PI4KA: variants seen among roughly 807,000 people sequenced by gnomAD.
The protein encoded by PI4KA is phosphatidylinositol 4-kinase alpha.
PI4KA carries 122 observed loss-of-function variants against 271.4 expected under a neutral mutation model. The ratio of observed to expected loss-of-function variants is 0.45; its 90% CI spans 0.39 to 0.52. The LOEUF is 0.52. Among genes scored for constraint, PI4KA ranks in the 20% least tolerant of loss-of-function variants. The probability of loss-of-function intolerance (pLI) is 0.00; values close to 1 mark genes in which losing one functional copy is unlikely to be tolerated. For missense variants in PI4KA, 1,969 were observed against 2,769.1 expected (o/e 0.71, Z 6.48); for synonymous variants, 1,041 against 1,078.8 (o/e 0.96, Z 0.69).
intron 3 of PI4KA, among the ~76,000 whole-genome samples, chr22:20,831,658 G>A (rs547297107): frequency 6.6e-6 from 1 of 152,258 alleles, no homozygotes; most frequent in Non-Finnish European, 1.5e-5. Context: ...ATTCTCTTCT[G>A]GCTTGTAGAG....
chr22:20,807,527 G>GC, intron 9 of PI4KA, 69 bp from the exon 10 acceptor site: 1 of 836,238 alleles, frequency 1.2e-6, no homozygotes, highest in Non-Finnish European at 2.0e-6. Context: ...TGCCTTCACA[G>GC]CAAGGCCCAG....
In PI4KA at chr22:20,789,905, C is replaced by T. The variant is rs184878590; in HGVS notation, c.2328+3288G>A. Among the ~76,000 whole-genome samples, 257 of 152,258 alleles carry T rather than the reference C, an allele frequency of 1.7e-3. 2 individuals are homozygous for T. The highest frequency in any genetic ancestry group is 6.0e-3 in the African/African-American group (248 of 41,538). On this transcript the variant is annotated intron_variant, in intron 19 of 54. Coordinates refer to ENST00000255882, the MANE Select transcript of PI4KA (RefSeq NM_058004.4). Reference sequence around the variant, plus strand: ...TGCAGGCACTGAGAAAATAAGTAAACCTTCCAAGGCCACAAAAGTGACTGG... The same window carrying T: ...TGCAGGCACTGAGAAAATAAGTAAATCTTCCAAGGCCACAAAAGTGACTGG...
At chr22:20,729,206 T>C (rs1168611433) in intron 39 of PI4KA, 107 bp downstream of exon 39, 8 of 917,934 alleles carry the variant, frequency 8.7e-6, no homozygotes, top group Non-Finnish European at 1.3e-5. Flanking sequence ...TGACTATCCT[T>C]GAAAGGGGCT....
chr22:20,751,448 C>A, intron 26 of PI4KA, 72 bp from the exon 27 acceptor site: 4 of 1,273,206 alleles, frequency 3.1e-6, no homozygotes, highest in Non-Finnish European at 4.5e-6. Flanking sequence ...CATGGGCCAC[C>A]CCTACCCACC....
intron 2 of PI4KA, among the ~76,000 whole-genome samples, chr22:20,837,771 T>C (rs1261671090): frequency 6.6e-6 from 1 of 152,166 alleles, no homozygotes; most frequent in African/African-American, 2.4e-5. Context: ...GTCACACTAT[T>C]TTTTTGTTGG....
intron 4 of PI4KA, among the ~76,000 whole-genome samples, chr22:20,821,161 A>C (rs1167497993): frequency 6.6e-6 from 1 of 152,206 alleles, no homozygotes; most frequent in Non-Finnish European, 1.5e-5. Flanking sequence ...GCTTTTCTGC[A>C]GCCACTTCAC....
At chr22:20,747,947 G>A (rs1310505606) in intron 28 of PI4KA, among the ~76,000 whole-genome samples, 1 of 151,576 alleles carries the variant, frequency 6.6e-6, no homozygotes, top group Non-Finnish European at 1.5e-5. Context: ...ATATTGCTCA[G>A]GTTGGCTTGA....
chr22:20,817,276 G>C (rs546850033), intron 7 of PI4KA, among the ~76,000 whole-genome samples: 4 of 152,198 alleles, frequency 2.6e-5, no homozygotes, highest in African/African-American at 9.6e-5. Flanking sequence ...CTATACTGAA[G>C]CATGGAATTC....
intron 2 of PI4KA, among the ~76,000 whole-genome samples, chr22:20,837,677 T>C (rs1384060580): frequency 6.6e-6 from 1 of 152,116 alleles, no homozygotes; most frequent in East Asian, 1.9e-4. Context: ...TAAAAATAAA[T>C]AAATAAATAA....
At chr22:20,712,285 G>C in intron 50 of PI4KA, 1 of 744,912 alleles carries the variant, frequency 1.3e-6, no homozygotes, top group Non-Finnish European at 1.6e-6. Context: ...TTGATCTCTT[G>C]ACCTCGTGAT....
intron 49 of PI4KA, 21 bp from the exon 50 acceptor site, chr22:20,712,632 T>C: frequency 6.4e-7 from 1 of 1,571,012 alleles, no homozygotes; most frequent in East Asian, 2.3e-5. Flanking sequence ...AGGCCAGTTC[T>C]GAGGCCCGCT....
At position 20,716,076 on chromosome 22, in the gene PI4KA, A is replaced by C. The variant is rs568211694; in HGVS notation, c.5318-1376T>G. ...GGTTAGTTTTTTTTTTTTGAGACCA[A>C]GTCTTGCACTGTCATCCAGGCTGGA... is the stretch of plus-strand genomic sequence containing the variant. On this transcript the variant is annotated intron_variant, in intron 45 of 54. Coordinates refer to ENST00000255882, the MANE Select transcript of PI4KA (RefSeq NM_058004.4). 1.3e-4 allele frequency among the ~76,000 whole-genome samples: 20 copies of C among 151,862 alleles called. No homozygotes were observed. In the East Asian group the frequency reaches 3.1e-3, roughly 24 times the overall value.
chr22:20,778,158 C>T (rs149272037), intron 19 of PI4KA, among the ~76,000 whole-genome samples: 16 of 152,268 alleles, frequency 1.1e-4, no homozygotes, highest in East Asian at 1.9e-4. Context: ...CACCTCACTA[C>T]GCCCTGAGGG....
At chr22:20,779,724 T>C (rs770608188) in intron 19 of PI4KA, 1 of 1,614,234 alleles carries the variant, frequency 6.2e-7, no homozygotes, top group East Asian at 2.2e-5. Context: ...TTTCAACCTC[T>C]ACCGAGTGCT....
At chr22:20,822,275 G>C (rs574684760) in intron 4 of PI4KA, among the ~76,000 whole-genome samples, 1 of 152,034 alleles carries the variant, frequency 6.6e-6, no homozygotes, top group Non-Finnish European at 1.5e-5. Flanking sequence ...TCAAATTCCC[G>C]GGCTCAAGTG....
At chr22:20,815,983 AG>A (rs1288847059) in intron 7 of PI4KA, among the ~76,000 whole-genome samples, 2 of 151,738 alleles carry the variant, frequency 1.3e-5, no homozygotes, top group East Asian at 3.9e-4. Context: ...TCTGTTGCCC[AG>A]GCTGCAGTGC....
At position 20,732,957 on chromosome 22, in the gene PI4KA, C is replaced by G. The variant is rs747084457; in HGVS notation, c.4288+14G>C. 9 of 1,611,198 alleles carry G rather than the reference C, an allele frequency of 5.6e-6. No homozygotes were observed. The South Asian group carries it at 9.9e-5, about 18-fold the overall frequency. On this transcript the variant is annotated intron_variant, in intron 36 of 54. Transcript: ENST00000255882. ...CCTGCCTCCACCATGAGCAGCTGCA[C>G]TGTTGAGGGTTACCTGGGGGAACAA...
intron 1 of PI4KA, among the ~76,000 whole-genome samples, chr22:20,845,827 T>C (rs1569097011): frequency 1.3e-5 from 2 of 152,164 alleles, no homozygotes; most frequent in Non-Finnish European, 1.5e-5. Flanking sequence ...ATCGTGCCAC[T>C]GCACTCCAGC....
chr22:20,739,954 T>C (rs1486751340), intron 32 of PI4KA, among the ~76,000 whole-genome samples: 1 of 148,278 alleles, frequency 6.7e-6, no homozygotes, highest in Non-Finnish European at 1.5e-5. Context: ...CCCACTTACT[T>C]GGGAGGCTGA....
Sources: gnomAD v4.1 joint callset for allele counts (sites outside exome capture counted in the v4.1 genomes callset) on GRCh38, gnomAD v4.1.1 for gene constraint, MANE v1.5 for transcripts, NCBI Gene and HGNC (gene_info 2026-07-23, HGNC 2026-07-21) for gene names.